The following POU2F1 variants were observed in gnomAD, a reference collection of about 807,000 sequenced individuals.
The protein encoded by POU2F1 is POU class 2 homeobox 1, also known as POU domain, class 2, transcription factor 1.
POU2F1 carries 16 observed loss-of-function variants against 84.9 expected under a neutral mutation model. The observed-to-expected ratio is 0.19, with a 90% CI of 0.13 to 0.29. The LOEUF (loss-of-function observed/expected upper bound fraction) is 0.29. Ranked by LOEUF, POU2F1 falls within the 10% of genes least tolerant of loss-of-function variation. The probability of loss-of-function intolerance (pLI) is 1.00; values close to 1 mark genes in which losing one functional copy is unlikely to be tolerated. For synonymous variants in POU2F1, 368 were observed against 368.3 expected, an observed-to-expected ratio of 1.00 and a Z score of 0.01; for missense variants, 738 against 942.6, an observed-to-expected ratio of 0.78 and a Z score of 2.84.
At chr1:167,283,558 C>T (rs139684357) in intron 1 of POU2F1, among the ~76,000 whole-genome samples, 3 of 152,232 alleles carry the variant, frequency 2.0e-5, no homozygotes, top group Non-Finnish European at 4.4e-5. Flanking sequence ...TTTCTTAAGA[C>T]GTGACAGCAA....
intron 1 of POU2F1, among the ~76,000 whole-genome samples, chr1:167,325,022 ATGT>A (rs1229454858): frequency 1.3e-5 from 2 of 152,080 alleles, no homozygotes; most frequent in Non-Finnish European, 2.9e-5. Flanking sequence ...AAGTCCTGGA[ATGT>A]TGTTTCATAT....
chr1:167,243,963 G>A (rs907251535), intron 1 of POU2F1, among the ~76,000 whole-genome samples: 1 of 152,116 alleles, frequency 6.6e-6, no homozygotes, highest in Non-Finnish European at 1.5e-5. Flanking sequence ...CCACAAATAT[G>A]GATAATGGAC....
intron 1 of POU2F1, among the ~76,000 whole-genome samples, chr1:167,232,567 G>A (rs1649145029): frequency 6.6e-6 from 1 of 152,238 alleles, no homozygotes; most frequent in Admixed American, 6.5e-5. Flanking sequence ...AGTAGGCCCA[G>A]CGTGATGGCT....
chr1:167,402,840 C>G (rs1050326447), intron 13 of POU2F1, among the ~76,000 whole-genome samples: 36 of 152,286 alleles, frequency 2.4e-4, no homozygotes, highest in South Asian at 8.3e-4. Context: ...CCTTGTTGTC[C>G]AAATTGACTG....
Position 167,413,092 on chromosome 1 carries a change from C to T in POU2F1, c.1968C>T (p.Asn656=), listed in dbSNP as rs747835460. 1.2e-6 allele frequency: 2 copies of T among 1,613,786 alleles called. No individual in the cohort carries two copies. Among genetic ancestry groups the T allele is most frequent in the South Asian group, 2.2e-5 (2 of 91,066 alleles). ...CTCTCAGCCCAGCTCTAATGAGCAA[C>T]AGTACACTGGCAACTATTCAAGGTC... ...SGALSPALMS[N]STLATIQALA... The change falls in exon 15 of 16, where the codon AAC becomes AAT. Residue 656 remains asparagine (N), a synonymous_variant. Coordinates refer to ENST00000367866, the MANE Select transcript of POU2F1 (RefSeq NM_002697.4).
chr1:167,376,145 G>C lies in POU2F1; in HGVS notation c.708G>C (p.Gln236His), dbSNP rs1321317840. 1 of 1,614,170 alleles carries C rather than the reference G, an allele frequency of 6.2e-7. No homozygotes were observed. Among genetic ancestry groups the C allele is most frequent in the East Asian group, 2.2e-5 (1 of 44,878 alleles). The change falls in exon 7 of 16, where the codon CAG becomes CAC. Residue 236 changes from glutamine (Q) to histidine (H), a missense_variant. Physicochemically the swap from Gln to His is conservative, Grantham distance 24. This residue lies in a region of POU2F1 where 163 missense variants were observed against 214.4 expected (regional missense o/e 0.76). Coordinates refer to ENST00000367866, the MANE Select transcript of POU2F1 (RefSeq NM_002697.4). ...PAQFIISQTP[Q>H]GQQGLLQAQN... is the part of the protein sequence containing the mutation. ...AGTTTATCATCTCACAGACGCCCCA[G>C]GGCCAGCAGGGTGAGCTCCTCCTTA...
At chr1:167,395,341 A>AT (rs1394965234) in intron 9 of POU2F1, among the ~76,000 whole-genome samples, 14 of 152,150 alleles carry the variant, frequency 9.2e-5, no homozygotes, top group Admixed American at 5.2e-4. Flanking sequence ...GTGAATTTCT[A>AT]TTTCTATGAT....
At chr1:167,396,455 G>C in intron 10 of POU2F1, 28 bp downstream of exon 10, 2 of 1,595,496 alleles carry the variant, frequency 1.3e-6, no homozygotes, top group Non-Finnish European at 1.7e-6. Flanking sequence ...ACATTTCTTT[G>C]TCATTCATTG....
intron 2 of POU2F1, among the ~76,000 whole-genome samples, chr1:167,332,825 C>T (rs140865188): frequency 2.6e-5 from 4 of 152,226 alleles, no homozygotes; most frequent in African/African-American, 9.6e-5. Flanking sequence ...ATGGGTTTAC[C>T]ACTTACTAGC....
intron 1 of POU2F1, among the ~76,000 whole-genome samples, chr1:167,317,500 G>T (rs557893373): frequency 6.2e-4 from 94 of 152,274 alleles, no homozygotes; most frequent in Non-Finnish European, 1.3e-3. Context: ...CACGAACAGA[G>T]CTTTACCCAC....
chr1:167,392,726 G>A (rs72693654), intron 9 of POU2F1, among the ~76,000 whole-genome samples: 6,213 of 152,070 alleles, frequency 0.041, 158 homozygotes, highest in Non-Finnish European at 0.055. Context: ...CTTATTTTTC[G>A]AAATGACTTT....
At chr1:167,302,500 G>A (rs1024871269) in intron 1 of POU2F1, among the ~76,000 whole-genome samples, 2 of 151,926 alleles carry the variant, frequency 1.3e-5, no homozygotes, top group South Asian at 2.1e-4. Flanking sequence ...CTCGTGATTC[G>A]CCTGCCTTGG....
At chr1:167,340,431 C>CTT (rs761386225) in intron 2 of POU2F1, among the ~76,000 whole-genome samples, 9,003 of 122,276 alleles carry the variant, frequency 0.074, 1,013 homozygotes, top group African/African-American at 0.22. Context: ...TTCTTTTTTT[C>CTT]TTTTTTTTTT....
intron 8 of POU2F1, among the ~76,000 whole-genome samples, chr1:167,386,509 G>A (rs1647995285): frequency 6.6e-6 from 1 of 152,168 alleles, no homozygotes; most frequent in African/African-American, 2.4e-5. Context: ...AAAATTAAAT[G>A]TGCATGTACC....
intron 1 of POU2F1, among the ~76,000 whole-genome samples, chr1:167,266,455 GTCATAATC>G (rs1435044116): frequency 2.6e-5 from 4 of 152,056 alleles, no homozygotes; most frequent in Non-Finnish European, 4.4e-5. Flanking sequence ...AATTAAGTGT[GTCATAATC>G]TCAATTTGAA....
At chr1:167,384,441 T>C (rs1316641501) in intron 8 of POU2F1, among the ~76,000 whole-genome samples, 1 of 152,162 alleles carries the variant, frequency 6.6e-6, no homozygotes, top group East Asian at 1.9e-4. Context: ...AAGGTTTAAA[T>C]TATAGACCTG....
chr1:167,236,123 A>G (rs1260086191), intron 1 of POU2F1, among the ~76,000 whole-genome samples: 1 of 150,322 alleles, frequency 6.7e-6, no homozygotes. Flanking sequence ...TTTTTTTTTT[A>G]GACAGACGAT....
intron 2 of POU2F1, among the ~76,000 whole-genome samples, chr1:167,337,511 A>G (rs1412389847): frequency 2.0e-5 from 3 of 152,058 alleles, no homozygotes; most frequent in Non-Finnish European, 4.4e-5. Context: ...TGATAATTTT[A>G]GAAAGATGTT....
chr1:167,324,972 G>A lies in POU2F1; in HGVS notation c.62-7498G>A, dbSNP rs1036965114. ...GATGTAGTTGACAAGAATGGTGGCAGTGCCAATACCTATCACTTGATTCTG... is the reference window on the plus strand; with the variant it reads ...GATGTAGTTGACAAGAATGGTGGCAATGCCAATACCTATCACTTGATTCTG... On this transcript the variant is annotated intron_variant, in intron 1 of 15. Coordinates refer to ENST00000367866, the MANE Select transcript of POU2F1 (RefSeq NM_002697.4). Among the ~76,000 whole-genome samples, 17 of 152,154 alleles carry A rather than the reference G, an allele frequency of 1.1e-4. No individual in the cohort carries two copies. In the East Asian group the frequency reaches 1.9e-3, roughly 17 times the overall value.
Sources: gnomAD v4.1 joint callset for allele counts (sites outside exome capture counted in the v4.1 genomes callset) on GRCh38, gnomAD v4.1.1 for gene constraint, gnomAD v4.1.1 regional missense constraint, MANE v1.5 for transcripts, NCBI Gene and HGNC (gene_info 2026-07-23, HGNC 2026-07-21) for gene names.